Variants in CDH13 observed in about 807,000 individuals in gnomAD.
CDH13 encodes cadherin 13.
Under a neutral mutation model 63.8 loss-of-function variants are expected in CDH13, and 24 were observed. That is an observed-to-expected ratio of 0.38 (90% CI 0.27 to 0.53). The LOEUF (loss-of-function observed/expected upper bound fraction) is 0.53. Ranked by LOEUF, CDH13 falls within the 20% of genes least tolerant of loss-of-function variation. CDH13 has a pLI of 0.85. For missense variants in CDH13, 1,049 were observed against 903.1 expected (o/e 1.16, Z -2.07); for synonymous variants, 503 against 355.3 (o/e 1.42, Z -4.67).
chr16:83,160,735 G>A (rs925979724), intron 4 of CDH13, among the ~76,000 whole-genome samples: 1 of 152,122 alleles, frequency 6.6e-6, no homozygotes, highest in East Asian at 1.9e-4. Context: ...CTGATCTGTT[G>A]GTATTAACTG....
intron 2 of CDH13, among the ~76,000 whole-genome samples, chr16:82,877,787 C>A (rs1343018045): frequency 1.7e-5 from 2 of 118,906 alleles, no homozygotes; most frequent in African/African-American, 6.9e-5. Flanking sequence ...CACACAGCCA[C>A]CTCTATTCAT....
chr16:83,281,270 C>T (rs2151856405), intron 5 of CDH13, among the ~76,000 whole-genome samples: 1 of 152,332 alleles, frequency 6.6e-6, no homozygotes, highest in African/African-American at 2.4e-5. Context: ...ATAGGGATGG[C>T]TTCTTTCCTT....
intron 3 of CDH13, among the ~76,000 whole-genome samples, chr16:83,108,849 G>C (rs1160534586): frequency 6.6e-6 from 1 of 152,092 alleles, no homozygotes; most frequent in Non-Finnish European, 1.5e-5. Context: ...ATGGGAGCTG[G>C]GATATAAATC....
At chr16:83,023,307 G>C (rs56412073) in intron 2 of CDH13, among the ~76,000 whole-genome samples, 23,533 of 151,362 alleles carry the variant, frequency 0.16, 1,991 homozygotes, top group East Asian at 0.3. Flanking sequence ...ACTACCCCCC[G>C]ACTCCACCCC....
At chr16:83,584,784 G>T (rs1261106555) in intron 7 of CDH13, among the ~76,000 whole-genome samples, 2 of 152,236 alleles carry the variant, frequency 1.3e-5, no homozygotes, top group Non-Finnish European at 1.5e-5. Context: ...TCTGCAGGTT[G>T]TACAGGAAGC....
chr16:82,971,045 C>T (rs1908665916), intron 2 of CDH13, among the ~76,000 whole-genome samples: 1 of 152,194 alleles, frequency 6.6e-6, no homozygotes, highest in Non-Finnish European at 1.5e-5. Context: ...TTTTACCATT[C>T]TGGGGCATAC....
chr16:82,690,580 G>A (rs62036333), intron 1 of CDH13, among the ~76,000 whole-genome samples: 43,256 of 152,022 alleles, frequency 0.28, 7,495 homozygotes, highest in Non-Finnish European at 0.41. Flanking sequence ...AGTTCATCTC[G>A]TGAGAATGAG....
At position 83,301,667 on chromosome 16, in the gene CDH13, C is replaced by T. The variant is rs537403928; in HGVS notation, c.637-43195C>T. ...AGGCTTTACGAAGAGTTTTTGAAAT[C>T]TCCAGCTTGAACGTTAGTGTACCTT... is the stretch of plus-strand genomic sequence containing the variant. On this transcript the variant is annotated intron_variant, in intron 5 of 13. Coordinates refer to ENST00000567109, the MANE Select transcript of CDH13 (RefSeq NM_001257.5). Among the ~76,000 whole-genome samples, 26 of 152,260 alleles carry T rather than the reference C, an allele frequency of 1.7e-4. 1 individual carries two copies. The highest frequency in any genetic ancestry group is 5.8e-4 in the African/African-American group (24 of 41,560).
chr16:82,785,149 C>T (rs1460392695), intron 1 of CDH13, among the ~76,000 whole-genome samples: 4 of 151,926 alleles, frequency 2.6e-5, no homozygotes, highest in South Asian at 2.1e-4. Flanking sequence ...GGCTTGCGTT[C>T]GGGGCTGGCA....
At position 83,054,633 on chromosome 16, in the gene CDH13, G is replaced by C. The variant is rs192126292; in HGVS notation, c.366+22415G>C. Reference sequence around the variant, plus strand: ...TATTTTCAGACTGCAATTGACTATAGGTAACTAAAACTACAGAAAGCAAAA... The same window carrying C: ...TATTTTCAGACTGCAATTGACTATACGTAACTAAAACTACAGAAAGCAAAA... On this transcript the variant is annotated intron_variant, in intron 3 of 13. Coordinates refer to ENST00000567109, the MANE Select transcript of CDH13 (RefSeq NM_001257.5). Among the ~76,000 whole-genome samples, 500 of 152,178 alleles carry C rather than the reference G, an allele frequency of 3.3e-3. 2 individuals carry two copies. Among genetic ancestry groups the C allele is most frequent in the Non-Finnish European group, 3.9e-3 (267 of 67,992 alleles).
chr16:82,663,214 T>C (rs886965663), intron 1 of CDH13, among the ~76,000 whole-genome samples: 2 of 152,168 alleles, frequency 1.3e-5, no homozygotes, highest in Non-Finnish European at 2.9e-5. Flanking sequence ...GAGAGGGAGT[T>C]TCGCTGTTGT....
At chr16:83,076,515 A>G (rs918189465) in intron 3 of CDH13, among the ~76,000 whole-genome samples, 3 of 152,158 alleles carry the variant, frequency 2.0e-5, no homozygotes, top group Admixed American at 2.0e-4. Flanking sequence ...TTTATTGTGA[A>G]CATTTTCAAA....
intron 6 of CDH13, among the ~76,000 whole-genome samples, chr16:83,365,763 G>C (rs2091247235): frequency 6.6e-6 from 1 of 152,204 alleles, no homozygotes; most frequent in Non-Finnish European, 1.5e-5. Context: ...GCCAAAGTTA[G>C]TTCAGAGGGT....
intron 5 of CDH13, among the ~76,000 whole-genome samples, chr16:83,224,595 T>C (rs2039790662): frequency 6.6e-6 from 1 of 152,214 alleles, no homozygotes; most frequent in African/African-American, 2.4e-5. Flanking sequence ...AAGCCCAGGC[T>C]TTGGAGCCAG....
chr16:83,020,658 C>A (rs1218325026), intron 2 of CDH13, among the ~76,000 whole-genome samples: 1 of 152,174 alleles, frequency 6.6e-6, no homozygotes, highest in Non-Finnish European at 1.5e-5. Context: ...ACTATGGATC[C>A]ATGGGGCTGG....
chr16:83,519,276 C>G (rs1200453168), intron 7 of CDH13, among the ~76,000 whole-genome samples: 1 of 152,156 alleles, frequency 6.6e-6, no homozygotes, highest in Non-Finnish European at 1.5e-5. Flanking sequence ...TGTTTCCGCC[C>G]TAGCATTGGA....
intron 3 of CDH13, among the ~76,000 whole-genome samples, chr16:83,059,451 C>G (rs1188725292): frequency 6.6e-6 from 1 of 152,160 alleles, no homozygotes; most frequent in African/African-American, 2.4e-5. Context: ...TCAAAAAGAA[C>G]TGTCCAGTGC....
At chr16:82,975,310 T>A (rs1393105991) in intron 2 of CDH13, among the ~76,000 whole-genome samples, 3 of 152,136 alleles carry the variant, frequency 2.0e-5, no homozygotes, top group Non-Finnish European at 4.4e-5. Flanking sequence ...CCGTGCGCCT[T>A]GTGAGGACAC....
intron 8 of CDH13, among the ~76,000 whole-genome samples, chr16:83,666,534 C>G (rs1218796230): frequency 1.3e-5 from 2 of 152,192 alleles, no homozygotes; most frequent in East Asian, 1.9e-4. Flanking sequence ...TCCCAAATGC[C>G]TTCCCATGGC....
Sources: allele counts gnomAD v4.1 joint callset (sites outside exome capture counted in the v4.1 genomes callset), GRCh38; gene constraint gnomAD v4.1.1; transcripts MANE v1.5; gene names NCBI Gene and HGNC (gene_info 2026-07-23, HGNC 2026-07-21).